Variants in HIPK2 observed in about 807,000 individuals in gnomAD.
The protein encoded by HIPK2 is homeodomain-interacting protein kinase 2.
A neutral mutation model predicts 113.7 loss-of-function variants in HIPK2; 27 were observed. The ratio of observed to expected loss-of-function variants is 0.24; its 90% CI spans 0.17 to 0.33. HIPK2 has a LOEUF of 0.33. Ranked by LOEUF, HIPK2 falls within the 10% of genes least tolerant of loss-of-function variation. The pLI, the probability that HIPK2 is intolerant of heterozygous loss-of-function variation, is 1.00. For missense variants in HIPK2, 1,257 were observed against 1,588.0 expected (o/e 0.79, Z 3.54); for synonymous variants, 631 against 642.2 (o/e 0.98, Z 0.26).
At position 139,711,166 on chromosome 7, in the gene HIPK2, G is replaced by A. The variant is rs1359140512; in HGVS notation, c.1103+4766C>T. On this transcript the variant is annotated intron_variant, in intron 2 of 14. Transcript: ENST00000406875. The stretch of plus-strand genomic sequence containing the variant: ...AAAAAGGCTGGGCGTGGTGGCTCAC[G>A]CCTGTAATCCCAGCACTTTGGGAGG... Among the ~76,000 whole-genome samples the A allele has an allele frequency of 2.6e-5, 4 of 152,052 alleles. No individual in the cohort carries two copies. The East Asian group carries it at 5.8e-4, about 22-fold the overall frequency.
chr7:139,608,289 AAAT>A (rs1799696034), intron 9 of HIPK2, among the ~76,000 whole-genome samples: 1 of 91,630 alleles, frequency 1.1e-5, no homozygotes, highest in African/African-American at 3.7e-5. Flanking sequence ...GTGTGTGTAT[AAAT>A]AAAAACTTTT....
chr7:139,721,938 A>G lies in HIPK2; in HGVS notation c.20-4923T>C, dbSNP rs982918812. 13 of 303,652 alleles carry G rather than the reference A, an allele frequency of 4.3e-5. No individual in the cohort carries two copies. In the Admixed American group the frequency reaches 4.8e-4, roughly 11 times the overall value. The allele number at this position is 303,652 out of a possible 1,614,324, so 18.8% of individuals were successfully genotyped here. On this transcript the variant is annotated intron_variant, in intron 1 of 14. Transcript: ENST00000406875. ...AGATAAAACCTGTCAAAATGGCCAC[A>G]TTTTCATTCACTAAAGGACAGGGAG...
At chr7:139,609,028 C>G (rs1364597567) in intron 9 of HIPK2, among the ~76,000 whole-genome samples, 1 of 152,206 alleles carries the variant, frequency 6.6e-6, no homozygotes, top group Non-Finnish European at 1.5e-5. Context: ...AGGGTGGAGT[C>G]TACAGTGATT....
At chr7:139,768,159 A>G (rs1796583557) in intron 1 of HIPK2, among the ~76,000 whole-genome samples, 1 of 152,192 alleles carries the variant, frequency 6.6e-6, no homozygotes, top group Non-Finnish European at 1.5e-5. Flanking sequence ...TGGATGGCAG[A>G]CTGGGGGCCT....
chr7:139,585,519 C>T (rs952629592), intron 12 of HIPK2, among the ~76,000 whole-genome samples: 2 of 152,226 alleles, frequency 1.3e-5, no homozygotes, highest in African/African-American at 4.8e-5. Flanking sequence ...GGTGAGAACA[C>T]GAACCTTGGA....
At chr7:139,662,987 G>GAC (rs1361668791) in intron 2 of HIPK2, among the ~76,000 whole-genome samples, 1 of 152,158 alleles carries the variant, frequency 6.6e-6, no homozygotes, top group Non-Finnish European at 1.5e-5. Context: ...TCCTGTCTCT[G>GAC]ACTATCAGGG....
At chr7:139,582,051 C>T (rs142400618) in intron 13 of HIPK2, among the ~76,000 whole-genome samples, 35 of 152,340 alleles carry the variant, frequency 2.3e-4, no homozygotes, top group Non-Finnish European at 3.7e-4. Flanking sequence ...GGAATGACTT[C>T]GGGTGCCTCC....
chr7:139,601,072 C>A (rs1395900496), intron 10 of HIPK2, among the ~76,000 whole-genome samples: 2 of 152,014 alleles, frequency 1.3e-5, no homozygotes, highest in East Asian at 3.9e-4. Context: ...GCAAAACCCC[C>A]TTTCTACCAG....
chr7:139,664,434 G>A (rs1468275212), intron 2 of HIPK2, among the ~76,000 whole-genome samples: 16 of 152,146 alleles, frequency 1.1e-4, no homozygotes, highest in Non-Finnish European at 2.4e-4. Context: ...CTACTAGGGA[G>A]GCTGAGGCAG....
intron 2 of HIPK2, among the ~76,000 whole-genome samples, chr7:139,633,126 A>G (rs1163628200): frequency 6.7e-6 from 1 of 150,212 alleles, no homozygotes; most frequent in Non-Finnish European, 1.5e-5. Flanking sequence ...AAAAGAAAGA[A>G]AGTAGCTCAA....
In HIPK2 at chr7:139,712,040, ACT is replaced by A. The variant is rs375193942; in HGVS notation, c.1103+3890_1103+3891del. Among the ~76,000 whole-genome samples, 465 of 151,742 alleles carry A rather than the reference ACT, an allele frequency of 3.1e-3. 2 individuals carry two copies. The highest frequency in any genetic ancestry group is 0.011 in the African/African-American group (438 of 41,326). On this transcript the variant is annotated intron_variant, in intron 2 of 14. Coordinates refer to ENST00000406875, the MANE Select transcript of HIPK2 (RefSeq NM_022740.5). ...TTTCTCCCAGGGTACTCCCAGGGAG[ACT>A]CTGTTCCCAGCAACCTCTCCAGGAG...
In HIPK2 at chr7:139,562,984, G is replaced by C. The variant is rs1482242102; in HGVS notation, c.*9943C>G. 1.3e-5 allele frequency: 2 copies of C among 152,220 alleles called. No homozygotes were observed. The highest frequency in any genetic ancestry group is 4.8e-5 in the African/African-American group (2 of 41,440). The allele number at this position is 152,220 out of a possible 1,614,324, so 9.4% of individuals were successfully genotyped here. On this transcript the variant is annotated 3_prime_UTR_variant, in exon 15 of 15. Transcript: ENST00000406875. ...AAAATGCACACACAGAGGATGAAGA[G>C]ATGATTTGGGGGCTAGAGATGACTG...
chr7:139,708,856 C>T (rs1052053746), intron 2 of HIPK2, among the ~76,000 whole-genome samples: 3 of 152,084 alleles, frequency 2.0e-5, no homozygotes, highest in Non-Finnish European at 4.4e-5. Flanking sequence ...CACACCTGTG[C>T]CTGCATGTCA....
In HIPK2 at chr7:139,572,897, C is replaced by CAACCCA; in HGVS notation, c.*29_*30insTGGGTT. 1.4e-5 allele frequency: 8 copies of CAACCCA among 571,116 alleles called. 1 individual carries two copies. The highest frequency in any genetic ancestry group is 2.3e-5 in the Non-Finnish European group (7 of 308,982). The allele number at this position is 571,116 out of a possible 1,614,324, so 35.4% of individuals were successfully genotyped here. A position where few individuals can be genotyped will look rare whatever the true frequency, so the allele number is the denominator to read the frequency against. Reference sequence around the variant, plus strand: ...CCTCCTCCCTCGGGCCATTCTCTCCCTCCCTCCCTCCCTCCCTCCCCTCCA... The same window carrying CAACCCA: ...CCTCCTCCCTCGGGCCATTCTCTCCCAACCCATCCCTCCCTCCCTCCCTCCCCTCCA... On this transcript the variant is annotated 3_prime_UTR_variant, in exon 15 of 15. Transcript: ENST00000406875.
rs942427003 is a variant in HIPK2, at chr7:139,563,075, C to T, written c.*9852G>A. 7.9e-6 allele frequency: 1 copy of T among 126,346 alleles called. No individual in the cohort carries two copies. Among genetic ancestry groups the T allele is most frequent in the Non-Finnish European group, 1.6e-5 (1 of 62,576 alleles). 7.8% of individuals were successfully genotyped at this position (126,346 alleles called of 1,614,324 possible). On this transcript the variant is annotated 3_prime_UTR_variant, in exon 15 of 15. Transcript: ENST00000406875. ...AACACAAAAGGGAGGAGAGCAGAAA[C>T]GGGGGACCGACTGACTCAGGGCAGC...
At chr7:139,589,404 TA>T (rs150232763) in intron 12 of HIPK2, among the ~76,000 whole-genome samples, 34,015 of 141,710 alleles carry the variant, frequency 0.24, 5,087 homozygotes, top group African/African-American at 0.45. Context: ...AATGAGCATT[TA>T]AAAAAAAAAA....
chr7:139,674,893 G>C (rs1024275436), intron 2 of HIPK2, among the ~76,000 whole-genome samples: 1 of 152,122 alleles, frequency 6.6e-6, no homozygotes, highest in Non-Finnish European at 1.5e-5. Context: ...CCCAGCTGCC[G>C]CTTCCTGCCA....
At chr7:139,745,893 G>A (rs1796182242) in intron 1 of HIPK2, among the ~76,000 whole-genome samples, 1 of 152,170 alleles carries the variant, frequency 6.6e-6, no homozygotes, top group African/African-American at 2.4e-5. Flanking sequence ...GTCTTTCACA[G>A]CAAGTAGCAG....
chr7:139,631,589 C>T lies in HIPK2; in HGVS notation c.1227+13G>A, dbSNP rs371209374. On this transcript the variant is annotated intron_variant, in intron 3 of 14. Transcript: ENST00000406875. The surrounding 1 kb of genome is among the most constrained non-coding windows in gnomAD (Gnocchi z 4.9). Reference sequence around the variant, plus strand: ...AATGAGGTCTTGTGAATATCTGTGTCATCTGGACCCACCTGATCATACTCC... The same window carrying T: ...AATGAGGTCTTGTGAATATCTGTGTTATCTGGACCCACCTGATCATACTCC... The T allele has an allele frequency of 6.2e-7, 1 of 1,612,164 alleles. No individual in the cohort carries two copies. Among genetic ancestry groups the T allele is most frequent in the Non-Finnish European group, 8.5e-7 (1 of 1,179,362 alleles).
Sources: allele counts gnomAD v4.1 joint callset (sites outside exome capture counted in the v4.1 genomes callset), GRCh38; gene constraint gnomAD v4.1.1; non-coding constraint Gnocchi (gnomAD v3.1); transcripts MANE v1.5; gene names NCBI Gene and HGNC (gene_info 2026-07-23, HGNC 2026-07-21).